Variants in SNX2 observed in about 807,000 individuals in gnomAD.
SNX2 encodes the protein sorting nexin-2.
A neutral mutation model predicts 69.9 loss-of-function variants in SNX2; 25 were observed. The observed-to-expected ratio is 0.36, with a 90% confidence interval of 0.26 to 0.50. SNX2 has a LOEUF of 0.50. Among genes scored for constraint, SNX2 ranks in the 20% least tolerant of loss-of-function variants. The probability of loss-of-function intolerance (pLI) is 0.97; values close to 1 mark genes in which losing one functional copy is unlikely to be tolerated. For missense variants in SNX2, 551 were observed against 613.3 expected (o/e 0.90, Z 1.07); for synonymous variants, 229 against 200.4 (o/e 1.14, Z -1.20).
chr5:122,799,829 G>C lies in SNX2; in HGVS notation c.364G>C (p.Val122Leu), dbSNP rs138514194. The change falls in exon 3 of 15, where the codon GTG becomes CTG. Residue 122 changes from valine to leucine, a missense_variant. This residue lies in a region of SNX2 where 191 missense variants were observed against 162.9 expected (regional missense o/e 1.17). Transcript: ENST00000379516. ...RIESKSMSAPVIFDRSREEIE... is the reference protein window; with the variant it reads ...RIESKSMSAPLIFDRSREEIE... Reference sequence around the variant, plus strand: ...TGAATCAAAGAGTATGTCTGCTCCCGTGATCTTTGATAGATCCAGGGAAGA... The same window carrying C: ...TGAATCAAAGAGTATGTCTGCTCCCCTGATCTTTGATAGATCCAGGGAAGA... 1 of 1,611,522 alleles carries C rather than the reference G, an allele frequency of 6.2e-7. No individual in the cohort carries two copies. Among genetic ancestry groups the C allele is most frequent in the Non-Finnish European group, 8.5e-7 (1 of 1,178,426 alleles).
At chr5:122,782,356 G>T (rs1045331356) in intron 1 of SNX2, among the ~76,000 whole-genome samples, 1 of 145,652 alleles carries the variant, frequency 6.9e-6, no homozygotes, top group East Asian at 2.1e-4. Flanking sequence ...CTCCTGCCTC[G>T]GCCTCCTGAA....
chr5:122,798,701 C>T (rs1032193135), intron 2 of SNX2, among the ~76,000 whole-genome samples: 68 of 152,246 alleles, frequency 4.5e-4, no homozygotes, highest in African/African-American at 1.5e-3. Context: ...TTGTGATTTT[C>T]CCTTTCCTGG....
At chr5:122,786,757 G>A (rs1309386158) in intron 1 of SNX2, among the ~76,000 whole-genome samples, 3 of 151,534 alleles carry the variant, frequency 2.0e-5, no homozygotes, top group Admixed American at 6.6e-5. Context: ...TCCCTCCTTA[G>A]TCGGCCTGCT....
At chr5:122,828,725 C>A (rs1723404197) in intron 14 of SNX2, among the ~76,000 whole-genome samples, 1 of 152,084 alleles carries the variant, frequency 6.6e-6, no homozygotes, top group Non-Finnish European at 1.5e-5. Context: ...TATTTTACAT[C>A]AAAAACTAAA....
chr5:122,799,748 G>A lies in SNX2; in HGVS notation c.283G>A (p.Glu95Lys). Reference sequence around the variant, plus strand: ...TGAAAGGGAACCTATCCTATCCTCGGAACCTTCTCCTGCAGTCACACCTGT... The same window carrying A: ...TGAAAGGGAACCTATCCTATCCTCGAAACCTTCTCCTGCAGTCACACCTGT... ...SPEREPILSSEPSPAVTPVTP... is the reference protein window; with the variant it reads ...SPEREPILSSKPSPAVTPVTP... Residue 95 changes from glutamate to lysine, a missense_variant, in exon 3 of 15, where the codon GAA becomes AAA. Physicochemically the swap from Glu to Lys is moderately conservative, Grantham distance 56. Transcript: ENST00000379516. 1.2e-6 allele frequency: 2 copies of A among 1,613,838 alleles called. No homozygotes were observed. The highest frequency in any genetic ancestry group is 1.7e-6 in the Non-Finnish European group (2 of 1,179,848).
intron 6 of SNX2, among the ~76,000 whole-genome samples, chr5:122,807,363 A>G (rs990820020): frequency 1.3e-5 from 2 of 152,212 alleles, no homozygotes; most frequent in Non-Finnish European, 1.5e-5. Context: ...TATTACCCCA[A>G]AATGGAATCT....
intron 1 of SNX2, among the ~76,000 whole-genome samples, chr5:122,792,489 T>C (rs913752232): frequency 6.6e-6 from 1 of 151,374 alleles, no homozygotes; most frequent in Non-Finnish European, 1.5e-5. Flanking sequence ...CCCGGCTACT[T>C]GGGAGGCTGA....
At chr5:122,824,157 G>A (rs1157822567) in intron 11 of SNX2, among the ~76,000 whole-genome samples, 2 of 148,472 alleles carry the variant, frequency 1.3e-5, no homozygotes, top group East Asian at 2.0e-4. Flanking sequence ...AGCTGAGATC[G>A]CGCCACTGCA....
chr5:122,819,102 C>T (rs1561472473), intron 11 of SNX2, 79 bp downstream of exon 11: 6 of 1,131,008 alleles, frequency 5.3e-6, no homozygotes, highest in East Asian at 4.9e-5. Flanking sequence ...TATGTATTTA[C>T]ATGTCTAAAT....
chr5:122,786,499 A>G lies in SNX2; in HGVS notation c.109-8767A>G, dbSNP rs1158267837. ...TTAATATCATTATATTTAAATATAT[A>G]TTTTAGTGGTTGCTCTGCAGCTTAA... On this transcript the variant is annotated intron_variant, in intron 1 of 14. Transcript: ENST00000379516. 1.3e-5 allele frequency among the ~76,000 whole-genome samples: 2 copies of G among 152,006 alleles called. 1 individual carries two copies. Among genetic ancestry groups the G allele is most frequent in the Middle Eastern group, 6.8e-3 (2 of 294 alleles).
chr5:122,799,049 G>A (rs1214037400), intron 2 of SNX2, among the ~76,000 whole-genome samples: 2 of 152,088 alleles, frequency 1.3e-5, no homozygotes, highest in Non-Finnish European at 2.9e-5. Flanking sequence ...TTAGCACAAT[G>A]TTATGTAGCC....
At chr5:122,827,840 CT>C (rs1453476593) in intron 14 of SNX2, 194 bp downstream of exon 14, 1 of 526,900 alleles carries the variant, frequency 1.9e-6, no homozygotes, top group African/African-American at 2.0e-5. Flanking sequence ...TTTTTTGCCT[CT>C]GCTTAACACT....
At chr5:122,796,673 G>T (rs1038437713) in intron 2 of SNX2, among the ~76,000 whole-genome samples, 15 of 152,078 alleles carry the variant, frequency 9.9e-5, no homozygotes, top group African/African-American at 3.6e-4. Flanking sequence ...CTAAAATTCT[G>T]TGTATTCCTT....
At chr5:122,812,326 C>G (rs1324141012) in intron 7 of SNX2, among the ~76,000 whole-genome samples, 1 of 152,132 alleles carries the variant, frequency 6.6e-6, no homozygotes, top group Non-Finnish European at 1.5e-5. Flanking sequence ...TGATCACTCA[C>G]TCTGCTTTAG....
At chr5:122,785,212 C>A (rs1753059276) in intron 1 of SNX2, among the ~76,000 whole-genome samples, 1 of 151,542 alleles carries the variant, frequency 6.6e-6, no homozygotes, top group Non-Finnish European at 1.5e-5. Flanking sequence ...TTGTGAATTT[C>A]ATTGATTTCT....
At chr5:122,803,636 T>G (rs1341199819) in intron 6 of SNX2, 23 bp downstream of exon 6, 1 of 1,574,572 alleles carries the variant, frequency 6.4e-7, no homozygotes, top group South Asian at 1.2e-5. Context: ...TTTTCAAAAA[T>G]TAATTTTTGT....
At chr5:122,776,473 C>G (rs1215984536) in intron 1 of SNX2, among the ~76,000 whole-genome samples, 1 of 151,904 alleles carries the variant, frequency 6.6e-6, no homozygotes, top group East Asian at 1.9e-4. Flanking sequence ...TTTGCCATCC[C>G]TTTTAATAGC....
chr5:122,809,189 G>C (rs181938685), intron 7 of SNX2, among the ~76,000 whole-genome samples: 210 of 152,180 alleles, frequency 1.4e-3, no homozygotes, highest in Non-Finnish European at 1.7e-3. Context: ...TAAGTCTAGA[G>C]ATGACTTAAA....
chr5:122,802,340 T>C lies in SNX2; in HGVS notation c.501+216T>C, dbSNP rs115989953. On this transcript the variant is annotated intron_variant, in intron 5 of 14. Transcript: ENST00000379516. ...GACCTGATTTAGACCTCTGGATGCCTAAGCCAAGACATAGGTGAGGGAAAT... is the reference window on the plus strand; with the variant it reads ...GACCTGATTTAGACCTCTGGATGCCCAAGCCAAGACATAGGTGAGGGAAAT... Among the ~76,000 whole-genome samples, 1,189 of 152,162 alleles carry C rather than the reference T, an allele frequency of 7.8e-3. 16 individuals are homozygous for C. Among genetic ancestry groups the C allele is most frequent in the African/African-American group, 0.027 (1,126 of 41,502 alleles).
Sources: allele counts gnomAD v4.1 joint callset (sites outside exome capture counted in the v4.1 genomes callset), GRCh38; gene constraint gnomAD v4.1.1; regional missense constraint gnomAD v4.1.1; transcripts MANE v1.5; gene names NCBI Gene and HGNC (gene_info 2026-07-23, HGNC 2026-07-21).